The following OR52N2 variants were observed in gnomAD, a reference collection of about 807,000 sequenced individuals.
The protein encoded by OR52N2 is olfactory receptor 52N2.
For missense variants in OR52N2, 326 were observed against 196.6 expected (o/e 1.66, Z -3.94); for synonymous variants, 129 against 72.0 (o/e 1.79, Z -4.01).
chr11:5,813,203 A>C (rs904834632), intron 1 of OR52N2, among the ~76,000 whole-genome samples: 5 of 151,994 alleles, frequency 3.3e-5, no homozygotes, highest in African/African-American at 1.2e-4. Context: ...GGTAATGATA[A>C]AGATCAGATC....
chr11:5,821,212 A>T lies in OR52N2; in HGVS notation c.877A>T (p.Ile293Phe). The part of the protein sequence containing the change: ...YLLLPPTMNP[I>F]VYGVKTKQIQ... The stretch of plus-strand genomic sequence containing the variant: ...GCTACTGCCTCCTACCATGAACCCA[A>T]TTGTTTATGGAGTCAAGACCAAGCA... The change falls in exon 2 of 2, where the codon ATT (isoleucine) becomes TTT (phenylalanine). Residue 293 changes from isoleucine (I) to phenylalanine (F), a missense_variant. Ile to Phe is a conservative substitution (Grantham distance 21, BLOSUM62 0). Transcript: ENST00000317037. 2.6e-6 allele frequency: 2 copies of T among 780,986 alleles called. No individual in the cohort carries two copies. Among genetic ancestry groups the T allele is most frequent in the South Asian group, 1.3e-5 (1 of 74,620 alleles). 48.4% of individuals were successfully genotyped at this position (780,986 alleles called of 1,614,324 possible). A position where few individuals can be genotyped will look rare whatever the true frequency, so the allele number is the denominator to read the frequency against.
At chr11:5,815,143 T>C (rs907583214) in intron 1 of OR52N2, among the ~76,000 whole-genome samples, 2 of 151,920 alleles carry the variant, frequency 1.3e-5, no homozygotes, top group African/African-American at 4.8e-5. Context: ...GAGAAAAAAT[T>C]TTATGACATT....
At chr11:5,812,523 A>C (rs1846372221) in intron 1 of OR52N2, among the ~76,000 whole-genome samples, 2 of 151,456 alleles carry the variant, frequency 1.3e-5, no homozygotes, top group African/African-American at 2.4e-5. Context: ...GAAATGAGGA[A>C]AAACAAAAAT....
intron 1 of OR52N2, among the ~76,000 whole-genome samples, chr11:5,809,574 C>A (rs1377865997): frequency 2.0e-5 from 3 of 147,868 alleles, no homozygotes; most frequent in African/African-American, 7.5e-5. Flanking sequence ...AGTTTGAGAA[C>A]AAAAGACCAG....
At chr11:5,813,361 C>T (rs34818213) in intron 1 of OR52N2, among the ~76,000 whole-genome samples, 16,318 of 152,070 alleles carry the variant, frequency 0.11, 1,094 homozygotes, top group East Asian at 0.25. Flanking sequence ...TGCCAACAAA[C>T]TGGATAACTT....
chr11:5,812,959 G>A (rs1051723421), intron 1 of OR52N2, among the ~76,000 whole-genome samples: 1 of 151,898 alleles, frequency 6.6e-6, no homozygotes, highest in Non-Finnish European at 1.5e-5. Context: ...TTACACTCCT[G>A]AAAAACCAAT....
intron 1 of OR52N2, among the ~76,000 whole-genome samples, chr11:5,810,874 T>C (rs1846355917): frequency 6.6e-6 from 1 of 152,132 alleles, no homozygotes; most frequent in Non-Finnish European, 1.5e-5. Context: ...TCAGGTAATT[T>C]CATAGAGTCA....
At chr11:5,811,669 TA>T (rs1422592005) in intron 1 of OR52N2, among the ~76,000 whole-genome samples, 1 of 152,002 alleles carries the variant, frequency 6.6e-6, no homozygotes, top group East Asian at 1.9e-4. Context: ...AGAAAGAATG[TA>T]AAAAACAACA....
At chr11:5,820,074 A>G (rs1763712214) in intron 1 of OR52N2, among the ~76,000 whole-genome samples, 1 of 152,196 alleles carries the variant, frequency 6.6e-6, no homozygotes, top group African/African-American at 2.4e-5. Flanking sequence ...GAGGATAGTT[A>G]ATCAAAGTTT....
intron 1 of OR52N2, among the ~76,000 whole-genome samples, chr11:5,811,010 G>GA (rs1323421679): frequency 6.6e-6 from 1 of 151,108 alleles, no homozygotes; most frequent in East Asian, 1.9e-4. Context: ...AATAATTTTT[G>GA]AAAAAACTAT....
At position 5,820,446 on chromosome 11, in the gene OR52N2, C is replaced by CATCA; in HGVS notation, c.112_115dup (p.Ile39AsnfsTer17). 1 of 780,610 alleles carries CATCA rather than the reference C, an allele frequency of 1.3e-6. No individual in the cohort carries two copies. The highest frequency in any genetic ancestry group is 2.4e-6 in the Non-Finnish European group (1 of 417,932). The allele number at this position is 780,610 out of a possible 1,614,324, so 48.4% of individuals were successfully genotyped here. A position where few individuals can be genotyped will look rare whatever the true frequency, so the allele number is the denominator to read the frequency against. ...TCTCCCTGCCATTCTGCTTTATGTA[C>CATCA]ATCATTGCTGTCGTGGGGAACTGTG... On this transcript the variant is annotated frameshift_variant, in exon 2 of 2. Coordinates refer to ENST00000317037, the MANE Select transcript of OR52N2 (RefSeq NM_001005174.3). LOFTEE classifies it low-confidence loss of function (END_TRUNC).
chr11:5,812,956 C>T (rs1351083993), intron 1 of OR52N2, among the ~76,000 whole-genome samples: 1 of 151,710 alleles, frequency 6.6e-6, no homozygotes, highest in Non-Finnish European at 1.5e-5. Flanking sequence ...AAATTACACT[C>T]CTGAAAAACC....
At position 5,820,397 on chromosome 11, in the gene OR52N2, G is replaced by C; in HGVS notation, c.62G>C (p.Gly21Ala). 1.3e-6 allele frequency: 1 copy of C among 780,836 alleles called. No individual in the cohort carries two copies. The highest frequency in any genetic ancestry group is 2.4e-6 in the Non-Finnish European group (1 of 418,060). The allele number at this position is 780,836 out of a possible 1,614,324, so 48.4% of individuals were successfully genotyped here. The change falls in exon 2 of 2, where the codon GGG (glycine) becomes GCG (alanine). Residue 21 changes from glycine (G) to alanine (A), a missense_variant. Gly to Ala is a moderately conservative substitution (Grantham distance 60, BLOSUM62 0). Transcript: ENST00000317037. ...TTCTTTATCTTGAATGGCGTTCCTG[G>C]GCTGGAAGCCACACACATCTGGATC... ...PGFFILNGVP[G>A]LEATHIWISL... is the part of the protein sequence containing the mutation.
At chr11:5,814,848 A>G (rs1361662230) in intron 1 of OR52N2, among the ~76,000 whole-genome samples, 1 of 152,220 alleles carries the variant, frequency 6.6e-6, no homozygotes, top group East Asian at 1.9e-4. Flanking sequence ...AAACCAAAAC[A>G]GTGTGGCACT....
chr11:5,817,812 T>C (rs983422987), intron 1 of OR52N2, among the ~76,000 whole-genome samples: 9 of 151,892 alleles, frequency 5.9e-5, no homozygotes, highest in Non-Finnish European at 1.2e-4. Flanking sequence ...GCATACAGAG[T>C]GGATTAAGAT....
At chr11:5,815,818 G>A (rs541629936) in intron 1 of OR52N2, among the ~76,000 whole-genome samples, 7 of 152,006 alleles carry the variant, frequency 4.6e-5, no homozygotes, top group African/African-American at 1.7e-4. Context: ...CAAGATATAA[G>A]AACAATCTAA....
intron 1 of OR52N2, among the ~76,000 whole-genome samples, chr11:5,819,617 T>C (rs532109045): frequency 1.3e-5 from 2 of 152,286 alleles, no homozygotes; most frequent in South Asian, 2.1e-4. Context: ...TCAAATTCCA[T>C]GGTATAGAAA....
intron 1 of OR52N2, among the ~76,000 whole-genome samples, chr11:5,812,037 C>T (rs971627532): frequency 2.0e-5 from 3 of 151,972 alleles, no homozygotes; most frequent in African/African-American, 7.3e-5. Context: ...AACACATGGA[C>T]ATAGAGAGGG....
At chr11:5,817,998 G>T (rs955175349) in intron 1 of OR52N2, among the ~76,000 whole-genome samples, 8 of 152,032 alleles carry the variant, frequency 5.3e-5, no homozygotes, top group Non-Finnish European at 1.2e-4. Context: ...ATACTAGCTG[G>T]AGATAGAAAC....
Sources: gnomAD v4.1 joint callset for allele counts (sites outside exome capture counted in the v4.1 genomes callset) on GRCh38, gnomAD v4.1.1 for gene constraint, MANE v1.5 for transcripts, NCBI Gene and HGNC (gene_info 2026-07-23, HGNC 2026-07-21) for gene names.